C4orf50: variants seen among roughly 807,000 people sequenced by gnomAD.
C4orf50 encodes the protein chromosome 4 open reading frame 50.
Under a neutral mutation model 77.2 loss-of-function variants are expected in C4orf50, and 80 were observed. That is an observed-to-expected ratio of 1.04 (90% confidence interval 0.87 to 1.25). The LOEUF is 1.25. Ranked by LOEUF, C4orf50 falls within the 50% of genes most tolerant of loss-of-function variation. C4orf50 has a pLI of 0.00. For missense variants in C4orf50, 1,257 were observed against 1,152.9 expected, an observed-to-expected ratio of 1.09 and a Z score of -1.31; for synonymous variants, 532 against 465.3, an observed-to-expected ratio of 1.14 and a Z score of -1.84.
exon 29 of C4orf50, chr4:5,980,269 C>A: frequency 3.1e-6 from 5 of 1,613,036 alleles, no homozygotes; most frequent in Non-Finnish European, 3.4e-6. Context: ...AGGGTCAGCA[C>A]CCGGTGATGG....
intron 32 of C4orf50, among the ~76,000 whole-genome samples, chr4:5,965,588 G>A (rs1045599333): frequency 5.9e-5 from 9 of 152,244 alleles, no homozygotes; most frequent in African/African-American, 2.2e-4. Flanking sequence ...AGAGAGGGAA[G>A]AAGACTTGCC....
At chr4:5,917,146 T>A (rs1717063645) in intron 7 of C4orf50, among the ~76,000 whole-genome samples, 3 of 152,328 alleles carry the variant, frequency 2.0e-5, no homozygotes, top group Middle Eastern at 6.8e-3. Context: ...CTTATCCCAC[T>A]GTTATAGATG....
intron 33 of C4orf50, among the ~76,000 whole-genome samples, chr4:5,962,325 G>C (rs555323956): frequency 6.6e-6 from 1 of 152,348 alleles, no homozygotes; most frequent in Admixed American, 6.5e-5. Flanking sequence ...CCAGTCCAGT[G>C]ACCTTCTGTG....
At chr4:6,014,121 G>A (rs1245632687) in intron 23 of C4orf50, among the ~76,000 whole-genome samples, 1 of 151,718 alleles carries the variant, frequency 6.6e-6, no homozygotes, top group Admixed American at 6.6e-5. Context: ...TCCTGCCTCA[G>A]CCTCCCGAGT....
rs1458197957 is a variant in C4orf50 at position 6,017,829 on chromosome 4, T to C, written c.287+316A>G. ...TCACTTTGAACATAGGGCCCTTTCA[T>C]GGAACAGTCACCCAGAGAAGAAGAG... On this transcript the variant is annotated intron_variant, in intron 23 of 33. Transcript: ENST00000531445. The surrounding 1 kb of genome is among the most constrained non-coding windows in gnomAD (Gnocchi z 4.7). Among the ~76,000 whole-genome samples, 1 of 152,186 alleles carries C rather than the reference T, an allele frequency of 6.6e-6. No homozygotes were observed. Among genetic ancestry groups the C allele is most frequent in the African/African-American group, 2.4e-5 (1 of 41,446 alleles).
intron 32 of C4orf50, 66 bp downstream of exon 10, chr4:5,967,348 C>T: frequency 1.5e-6 from 2 of 1,331,004 alleles, no homozygotes; most frequent in Non-Finnish European, 2.2e-6. Flanking sequence ...CCACCTCTCA[C>T]AGCGTCCTGC....
At chr4:5,946,801 G>A (rs1431499050) in intron 7 of C4orf50, among the ~76,000 whole-genome samples, 1 of 152,226 alleles carries the variant, frequency 6.6e-6, no homozygotes, top group African/African-American at 2.4e-5. Flanking sequence ...TCCCTCCTTT[G>A]TTCGGATGTG....
At chr4:5,913,065 G>A (rs1034099988) in intron 7 of C4orf50, among the ~76,000 whole-genome samples, 2 of 152,156 alleles carry the variant, frequency 1.3e-5, no homozygotes, top group African/African-American at 2.4e-5. Flanking sequence ...GCCCCAAGAT[G>A]GCAAAACATC....
chr4:5,920,722 CA>C (rs1717228628), intron 7 of C4orf50, among the ~76,000 whole-genome samples: 2 of 152,160 alleles, frequency 1.3e-5, no homozygotes, highest in Non-Finnish European at 2.9e-5. Context: ...GTGATCCACC[CA>C]TCTTGGCCTC....
intron 28 of C4orf50, among the ~76,000 whole-genome samples, chr4:5,987,014 G>A (rs1443280658): frequency 6.6e-6 from 1 of 152,136 alleles, no homozygotes; most frequent in Non-Finnish European, 1.5e-5. Context: ...AGCTTTAATT[G>A]CATAGATTGC....
chr4:5,959,572 T>A (rs756165832), exon 34 of C4orf50: 4 of 1,614,164 alleles, frequency 2.5e-6, no homozygotes. Context: ...GGTTCCACAG[T>A]GACCGCTGCC....
intron 7 of C4orf50, among the ~76,000 whole-genome samples, chr4:5,917,909 G>A (rs1001043601): frequency 2.0e-5 from 3 of 152,034 alleles, no homozygotes; most frequent in Admixed American, 6.5e-5. Context: ...CAGGCGAGAG[G>A]TGGCGTGCAA....
chr4:6,014,041 T>C (rs965320557), intron 23 of C4orf50, among the ~76,000 whole-genome samples: 2 of 151,664 alleles, frequency 1.3e-5, no homozygotes, highest in African/African-American at 2.4e-5. Context: ...TTGCGTTTGT[T>C]GCCCAGGCTG....
chr4:5,906,664 A>T lies in C4orf50; in HGVS notation c.*2475-8476T>A, dbSNP rs138212646. Among the ~76,000 whole-genome samples the T allele has an allele frequency of 4.6e-3, 698 of 152,328 alleles. 5 individuals are homozygous for T. Among genetic ancestry groups the T allele is most frequent in the South Asian group, 0.012 (57 of 4,820 alleles). On this transcript the variant is annotated intron_variant, in intron 7 of 7. Coordinates refer to the C4orf50 transcript ENST00000324058. The stretch of plus-strand genomic sequence containing the variant: ...GCTTTGCTGCAATGCTAAGGGTCTC[A>T]GAACTGGGCAGAGATGGCTCACACA...
chr4:6,008,374 C>G lies in C4orf50; in HGVS notation c.585G>C (p.Glu195Asp). 1 of 392,916 alleles carries G rather than the reference C, an allele frequency of 2.5e-6. No homozygotes were observed. Among genetic ancestry groups the G allele is most frequent in the Non-Finnish European group, 4.5e-6 (1 of 222,458 alleles). 24.3% of individuals were successfully genotyped at this position (392,916 alleles called of 1,614,324 possible). Reference sequence around the variant, plus strand: ...GCTGCACCTGCTCCCGCAGGACGCGCTCCTGCTCCCGCACCAGGCCCAGCT... The same window carrying G: ...GCTGCACCTGCTCCCGCAGGACGCGGTCCTGCTCCCGCACCAGGCCCAGCT... Residue 195 changes from glutamate (E) to aspartate (D), a missense_variant, in exon 25 of 34, where the codon GAG becomes GAC. Coordinates refer to ENST00000531445, the Ensembl canonical transcript of C4orf50. This position sits in a 1 kb window ranked among gnomAD's most constrained non-coding sequence, Gnocchi z 6.0.
chr4:5,948,960 CA>C lies in C4orf50; in HGVS notation c.*2474+7940del, dbSNP rs765201490. ...TGGGCAACAGAGTGAGACTCCATCTCAAAAAAAAAAAAAAAAAAATAGAGAA... is the reference window on the plus strand; with the variant it reads ...TGGGCAACAGAGTGAGACTCCATCTCAAAAAAAAAAAAAAAAAATAGAGAA... On this transcript the variant is annotated intron_variant, in intron 7 of 7. Coordinates refer to the C4orf50 transcript ENST00000324058. 4.4e-3 allele frequency among the ~76,000 whole-genome samples: 381 copies of C among 87,122 alleles called. 2 individuals are homozygous for C. Among genetic ancestry groups the C allele is most frequent in the South Asian group, 0.014 (33 of 2,408 alleles). The allele number at this position is 87,122 out of a possible 152,430, so 57.2% of individuals were successfully genotyped here.
intron 25 of C4orf50, among the ~76,000 whole-genome samples, chr4:5,999,997 G>A (rs536013103): frequency 1.3e-5 from 2 of 152,158 alleles, no homozygotes; most frequent in South Asian, 2.1e-4. Context: ...GCAGAACACC[G>A]GGGGCCTTGA....
chr4:5,989,521 G>A (rs1430881959), exon 28 of C4orf50: 1 of 1,536,134 alleles, frequency 6.5e-7, no homozygotes, highest in Admixed American at 2.0e-5. Flanking sequence ...CCACTTCTGA[G>A]CAAAGCTCCA....
downstream of C4orf50, among the ~76,000 whole-genome samples, chr4:5,956,348 C>A (rs1475008518): frequency 6.6e-6 from 1 of 152,206 alleles, no homozygotes; most frequent in Non-Finnish European, 1.5e-5. Context: ...GAAGCCCTCC[C>A]TGACTGCTCA....
Sources: allele counts gnomAD v4.1 joint callset (sites outside exome capture counted in the v4.1 genomes callset), GRCh38; gene constraint gnomAD v4.1.1; non-coding constraint Gnocchi (gnomAD v3.1); transcripts MANE v1.5; gene names NCBI Gene and HGNC (gene_info 2026-07-23, HGNC 2026-07-21).